The following CTNNA3 variants were observed in gnomAD, a reference collection of about 807,000 sequenced individuals.
The protein encoded by CTNNA3 is catenin alpha-3.
CTNNA3 carries 76 observed loss-of-function variants against 95.7 expected under a neutral mutation model. The ratio of observed to expected loss-of-function variants is 0.79; its 90% CI spans 0.66 to 0.96. The LOEUF is 0.96. Among genes scored for constraint, CTNNA3 ranks in the 40% least tolerant of loss-of-function variants. The pLI is 0.00. For missense variants in CTNNA3, 1,191 were observed against 1,089.8 expected (o/e 1.09, Z -1.31); for synonymous variants, 431 against 374.4 (o/e 1.15, Z -1.74).
chr10:66,062,133 A>G (rs1589310889), intron 15 of CTNNA3, among the ~76,000 whole-genome samples: 1 of 152,162 alleles, frequency 6.6e-6, no homozygotes, highest in East Asian at 1.9e-4. Flanking sequence ...CAAACTGTCT[A>G]GAGGATAAAC....
chr10:67,406,955 C>T (rs1845159935), intron 5 of CTNNA3, among the ~76,000 whole-genome samples: 1 of 152,120 alleles, frequency 6.6e-6, no homozygotes, highest in African/African-American at 2.4e-5. Flanking sequence ...AAGCCCATAA[C>T]CAGATGGATT....
intron 13 of CTNNA3, among the ~76,000 whole-genome samples, chr10:66,201,783 C>CTTTTTTTTTTTTTT (rs1236010501): frequency 2.0e-4 from 16 of 79,374 alleles, no homozygotes; most frequent in South Asian, 5.3e-4. Flanking sequence ...TTTACTTTTT[C>CTTTTTTTTTTTTTT]TTTTTTTTTT....
At chr10:66,116,865 C>A (rs2082362617) in intron 13 of CTNNA3, among the ~76,000 whole-genome samples, 1 of 152,042 alleles carries the variant, frequency 6.6e-6, no homozygotes, top group Non-Finnish European at 1.5e-5. Flanking sequence ...TTTTAAACAA[C>A]CAGATCTGGT....
At chr10:67,206,959 C>T (rs1863929483) in intron 6 of CTNNA3, among the ~76,000 whole-genome samples, 2 of 151,912 alleles carry the variant, frequency 1.3e-5, no homozygotes, top group South Asian at 2.1e-4. Context: ...GGTGAAACCC[C>T]GTCTCTACTA....
intron 10 of CTNNA3, among the ~76,000 whole-genome samples, chr10:66,564,816 G>A (rs550488404): frequency 1.5e-4 from 23 of 152,242 alleles, no homozygotes; most frequent in South Asian, 6.2e-4. Flanking sequence ...ATTATTCGAC[G>A]TTTACAATAA....
intron 5 of CTNNA3, among the ~76,000 whole-genome samples, chr10:67,360,332 C>T (rs1292473102): frequency 6.6e-6 from 1 of 150,988 alleles, no homozygotes; most frequent in Non-Finnish European, 1.5e-5. Flanking sequence ...AATATCATGA[C>T]TGGATCAAAA....
Position 66,808,133 on chromosome 10 carries a change from T to C in CTNNA3, c.1048-32609A>G, listed in dbSNP as rs536249596. Among the ~76,000 whole-genome samples the C allele has an allele frequency of 2.0e-5, 3 of 152,236 alleles. 1 individual carries two copies. The highest frequency in any genetic ancestry group is 7.2e-5 in the African/African-American group (3 of 41,554). On this transcript the variant is annotated intron_variant, in intron 7 of 17. Coordinates refer to ENST00000433211, the MANE Select transcript of CTNNA3 (RefSeq NM_013266.4). The stretch of plus-strand genomic sequence containing the variant: ...TCTCATCGGCAAAAATGTAAGAGAA[T>C]AGACCTAGAGATTTTATTGGACAGT...
intron 13 of CTNNA3, among the ~76,000 whole-genome samples, chr10:66,220,686 A>T (rs1240411923): frequency 6.6e-6 from 1 of 152,146 alleles, no homozygotes; most frequent in Admixed American, 6.5e-5. Context: ...TCTCAGCAGG[A>T]TGGGAAGCTG....
intron 7 of CTNNA3, among the ~76,000 whole-genome samples, chr10:67,034,629 A>G (rs1268943299): frequency 1.3e-5 from 2 of 152,174 alleles, no homozygotes; most frequent in Non-Finnish European, 2.9e-5. Flanking sequence ...AATAAATTAC[A>G]AGAATGGCCG....
intron 15 of CTNNA3, among the ~76,000 whole-genome samples, chr10:65,996,466 G>A (rs2133351117): frequency 6.6e-6 from 1 of 152,254 alleles, no homozygotes; most frequent in East Asian, 1.9e-4. Context: ...TGTCAGTGGG[G>A]TTCTAGGGAT....
chr10:67,705,021 G>GA (rs1453874827), intron 1 of CTNNA3, among the ~76,000 whole-genome samples: 1 of 152,138 alleles, frequency 6.6e-6, no homozygotes, highest in African/African-American at 2.4e-5. Flanking sequence ...AAAAACACAT[G>GA]AAAAAATGGT....
At chr10:65,997,970 A>G (rs1490850667) in intron 15 of CTNNA3, among the ~76,000 whole-genome samples, 1 of 152,188 alleles carries the variant, frequency 6.6e-6, no homozygotes, top group Non-Finnish European at 1.5e-5. Context: ...AGCCAAGATC[A>G]TGCCATTGCA....
chr10:66,735,102 A>G (rs1329484797), intron 9 of CTNNA3, among the ~76,000 whole-genome samples: 1 of 151,780 alleles, frequency 6.6e-6, no homozygotes, highest in East Asian at 1.9e-4. Flanking sequence ...AGACTAGGCA[A>G]CAGTGAAAGT....
At chr10:67,434,247 T>G (rs1016788478) in intron 5 of CTNNA3, among the ~76,000 whole-genome samples, 5 of 152,004 alleles carry the variant, frequency 3.3e-5, no homozygotes, top group Admixed American at 6.6e-5. Context: ...TTGGGTAAGT[T>G]ACCTCAACTC....
At chr10:67,082,915 T>C (rs1420852692) in intron 7 of CTNNA3, among the ~76,000 whole-genome samples, 2 of 152,128 alleles carry the variant, frequency 1.3e-5, no homozygotes, top group Non-Finnish European at 1.5e-5. Flanking sequence ...CCACCTCCTA[T>C]ATTAACTACA....
intron 12 of CTNNA3, among the ~76,000 whole-genome samples, chr10:66,358,517 T>C (rs2092628671): frequency 6.6e-6 from 1 of 152,164 alleles, no homozygotes; most frequent in Admixed American, 6.5e-5. Context: ...AAAGGTATAC[T>C]TACTCCATTT....
intron 6 of CTNNA3, among the ~76,000 whole-genome samples, chr10:67,184,698 C>T (rs898304432): frequency 6.6e-6 from 1 of 152,166 alleles, no homozygotes; most frequent in East Asian, 1.9e-4. Context: ...AAATGAGTTA[C>T]CCACTTGTAA....
intron 10 of CTNNA3, among the ~76,000 whole-genome samples, chr10:66,577,418 T>A (rs960987610): frequency 1.3e-5 from 2 of 152,118 alleles, no homozygotes; most frequent in Non-Finnish European, 2.9e-5. Flanking sequence ...ATGTCCAGAA[T>A]GGTATTTCCT....
rs541368907 is a variant in CTNNA3 at position 66,078,857 on chromosome 10, C to G, written c.1978-9368G>C. ...CTGTGAGGAAATCAAACAATGCTCTCTAAAAGTCTATTTTATTCACAAGAA... is the reference window on the plus strand; with the variant it reads ...CTGTGAGGAAATCAAACAATGCTCTGTAAAAGTCTATTTTATTCACAAGAA... On this transcript the variant is annotated intron_variant, in intron 14 of 17. Coordinates refer to ENST00000433211, the MANE Select transcript of CTNNA3 (RefSeq NM_013266.4). The G allele has an allele frequency of 2.8e-4, 43 of 151,946 alleles. 1 individual carries two copies. The highest frequency in any genetic ancestry group is 1.0e-3 in the African/African-American group (43 of 41,522). 9.4% of individuals were successfully genotyped at this position (151,946 alleles called of 1,614,324 possible).
Sources: allele counts gnomAD v4.1 joint callset (sites outside exome capture counted in the v4.1 genomes callset), GRCh38; gene constraint gnomAD v4.1.1; transcripts MANE v1.5; gene names NCBI Gene and HGNC (gene_info 2026-07-23, HGNC 2026-07-21).